The following DCT variants were observed in gnomAD, a reference collection of about 807,000 sequenced individuals.
The protein encoded by DCT is dopachrome tautomerase, also known as L-dopachrome tautomerase.
DCT carries 47 observed loss-of-function variants against 53.0 expected under a neutral mutation model. The ratio of observed to expected loss-of-function variants is 0.89; its 90% CI spans 0.70 to 1.13. The LOEUF is 1.13. DCT is among the 50% of genes most tolerant of loss of function. DCT has a pLI of 0.00. For synonymous variants in DCT, 244 were observed against 237.0 expected (o/e 1.03, Z -0.27); for missense variants, 669 against 637.4 (o/e 1.05, Z -0.53).
the DCT span, among the ~76,000 whole-genome samples, chr13:94,509,355 G>A: frequency 1.3e-5 from 2 of 152,036 alleles, no homozygotes; most frequent in African/African-American, 2.4e-5. Flanking sequence ...CATTGGTGCT[G>A]TTCTCTCAAA....
At chr13:94,468,266 G>T (rs181155579) in intron 2 of DCT, 33 of 160,916 alleles carry the variant, frequency 2.1e-4, no homozygotes, top group Middle Eastern at 6.8e-3. Flanking sequence ...ATCCAAAGTT[G>T]ATCTATCCTG....
At chr13:94,456,482 C>T (rs1345066344) in intron 6 of DCT, among the ~76,000 whole-genome samples, 2 of 152,124 alleles carry the variant, frequency 1.3e-5, no homozygotes, top group African/African-American at 2.4e-5. Flanking sequence ...TGTCTTAGGG[C>T]ATTACTGTCT....
intron 1 of DCT, among the ~76,000 whole-genome samples, chr13:94,470,801 T>A (rs1033661498): frequency 3.3e-5 from 5 of 152,258 alleles, no homozygotes; most frequent in Non-Finnish European, 7.3e-5. Flanking sequence ...GGTCAGTTAC[T>A]TCCTTGCACC....
At chr13:94,490,235 T>C in the DCT span, among the ~76,000 whole-genome samples, 1 of 152,178 alleles carries the variant, frequency 6.6e-6, no homozygotes, top group South Asian at 2.1e-4. Flanking sequence ...CTGGGCGCAG[T>C]GGCTCATGCC....
At chr13:94,535,076 C>T in the DCT span, among the ~76,000 whole-genome samples, 1 of 152,242 alleles carries the variant, frequency 6.6e-6, no homozygotes, top group Admixed American at 6.5e-5. Flanking sequence ...CTGCAAACAT[C>T]ACTTGAAGGG....
the DCT span, among the ~76,000 whole-genome samples, chr13:94,513,556 A>G: frequency 6.6e-6 from 1 of 152,106 alleles, no homozygotes; most frequent in African/African-American, 2.4e-5. Flanking sequence ...TATGCCTCTG[A>G]GATTTGGTGG....
At chr13:94,464,469 G>A (rs1884025944) in intron 4 of DCT, among the ~76,000 whole-genome samples, 1 of 152,018 alleles carries the variant, frequency 6.6e-6, no homozygotes, top group Admixed American at 6.6e-5. Flanking sequence ...GTGAAACCCT[G>A]TCTCTACTAA....
the DCT span, among the ~76,000 whole-genome samples, chr13:94,544,373 C>T: frequency 2.6e-5 from 4 of 152,042 alleles, no homozygotes; most frequent in Non-Finnish European, 5.9e-5. Context: ...GTGGGGAAAG[C>T]GGGTTTGCTC....
At chr13:94,533,258 T>G in the DCT span, among the ~76,000 whole-genome samples, 1 of 150,468 alleles carries the variant, frequency 6.6e-6, no homozygotes, top group Non-Finnish European at 1.5e-5. Context: ...CAAAAATAAT[T>G]TATTTGGCAT....
the DCT span, among the ~76,000 whole-genome samples, chr13:94,488,378 T>C: frequency 6.6e-6 from 1 of 152,128 alleles, no homozygotes; most frequent in African/African-American, 2.4e-5. Context: ...CCAGGGTTTA[T>C]AGATGTACAA....
chr13:94,531,359 C>G, the DCT span, among the ~76,000 whole-genome samples: 1 of 152,168 alleles, frequency 6.6e-6, no homozygotes, highest in African/African-American at 2.4e-5. Flanking sequence ...AAGAACAAAG[C>G]TGGAGGCATC....
intron 6 of DCT, among the ~76,000 whole-genome samples, chr13:94,459,774 A>C (rs1382301867): frequency 6.6e-6 from 1 of 152,226 alleles, no homozygotes; most frequent in Non-Finnish European, 1.5e-5. Context: ...GTTTGTGTGG[A>C]CTACTGAACC....
At chr13:94,472,550 A>T (rs1566855152) in intron 1 of DCT, among the ~76,000 whole-genome samples, 1 of 25,200 alleles carries the variant, frequency 4.0e-5, no homozygotes. Context: ...ATATATATAT[A>T]TATATATATA....
At chr13:94,488,809 A>G in the DCT span, among the ~76,000 whole-genome samples, 6 of 147,320 alleles carry the variant, frequency 4.1e-5, no homozygotes, top group East Asian at 1.2e-3. Context: ...ATATACACAT[A>G]CATACACACA....
chr13:94,444,975 G>A (rs1482989292), intron 6 of DCT, among the ~76,000 whole-genome samples: 2 of 152,188 alleles, frequency 1.3e-5, no homozygotes, highest in African/African-American at 4.8e-5. Context: ...GTTTGCTGAT[G>A]ACAGTGTCAT....
chr13:94,522,998 C>T, the DCT span, among the ~76,000 whole-genome samples: 1 of 152,154 alleles, frequency 6.6e-6, no homozygotes. Flanking sequence ...AGATAAAAGC[C>T]ATTTACCATT....
the DCT span, among the ~76,000 whole-genome samples, chr13:94,513,695 A>G: frequency 1.3e-5 from 2 of 152,160 alleles, no homozygotes; most frequent in South Asian, 4.2e-4. Context: ...CTTTAGATAA[A>G]GATAGATACC....
the DCT span, among the ~76,000 whole-genome samples, chr13:94,509,925 G>A: frequency 1.7e-4 from 26 of 152,256 alleles, no homozygotes; most frequent in African/African-American, 6.0e-4. Context: ...GCACTCAATA[G>A]CAATTTGTTG....
At chr13:94,497,266 G>A in the DCT span, among the ~76,000 whole-genome samples, 128 of 152,240 alleles carry the variant, frequency 8.4e-4, no homozygotes, top group Non-Finnish European at 1.1e-3. Flanking sequence ...AGACTTGAAC[G>A]GTAACCCTTC....
Sources: allele counts gnomAD v4.1 joint callset (sites outside exome capture counted in the v4.1 genomes callset), GRCh38; gene constraint gnomAD v4.1.1; transcripts MANE v1.5; gene names NCBI Gene and HGNC (gene_info 2026-07-23, HGNC 2026-07-21).